The following GUCY2F variants were observed in gnomAD, a reference collection of about 807,000 sequenced individuals.
GUCY2F encodes the protein retinal guanylyl cyclase 2.
GUCY2F carries 61 observed loss-of-function variants against 73.1 expected under a neutral mutation model. The observed-to-expected ratio is 0.83, with a 90% CI of 0.68 to 1.03. The LOEUF (loss-of-function observed/expected upper bound fraction) is 1.03, where lower values mean the gene tolerates loss of function less well. Among genes scored for constraint, GUCY2F ranks in the 50% least tolerant of loss-of-function variants. The probability of loss-of-function intolerance (pLI) is 0.00; values close to 1 mark genes in which losing one functional copy is unlikely to be tolerated. For missense variants in GUCY2F, 912 were observed against 854.3 expected, an observed-to-expected ratio of 1.07 and a Z score of -0.84; for synonymous variants, 331 against 307.8, an observed-to-expected ratio of 1.08 and a Z score of -0.79.
intron 16 of GUCY2F, chrX:109,383,217 A>C (rs1383990408): frequency 1.6e-5 from 2 of 123,423 alleles, no homozygotes; most frequent in African/African-American, 6.5e-5. Flanking sequence ...AGGTTGACCT[A>C]TTCCTAAAAT....
chrX:109,469,133 C>T lies in GUCY2F; in HGVS notation c.731-3690G>A, dbSNP rs1932525733. ...ACACCCTTCTGAGATCGCATCTCAC[C>T]AGGATATGACACCAGCACTTTCTCT... On this transcript the variant is annotated intron_variant, in intron 2 of 19. Coordinates refer to ENST00000218006, the MANE Select transcript of GUCY2F (RefSeq NM_001522.3). Among the ~76,000 whole-genome samples the T allele has an allele frequency of 8.1e-5, 9 of 110,782 alleles. No homozygotes were observed. The Admixed American group carries it at 8.6e-4, about 11-fold the overall frequency.
chrX:109,476,855 A>G (rs1432576189), intron 1 of GUCY2F, among the ~76,000 whole-genome samples: 1 of 109,627 alleles, frequency 9.1e-6, no homozygotes, highest in Non-Finnish European at 1.9e-5. Flanking sequence ...GTATATATGT[A>G]TGTGTGTGTG....
In GUCY2F at chrX:109,465,393, G is replaced by T; in HGVS notation, c.781C>A (p.His261Asn). 8.3e-7 allele frequency: 1 copy of T among 1,200,156 alleles called. No individual in the cohort carries two copies. The highest frequency in any genetic ancestry group is 1.1e-6 in the Non-Finnish European group (1 of 885,170). ...AGATCATGAGCACATTCCAAGAGAT[G>T]CATCTGAGTCTCTCCCCCAATCAAA... is the stretch of plus-strand genomic sequence containing the variant. ...SALIGGETQM[H>N]LLECAHDLKM... Residue 261 changes from histidine (H) to asparagine (N), a missense_variant, in exon 3 of 20, where the codon CAT becomes AAT. Transcript: ENST00000218006.
rs774701835 is a variant in GUCY2F at position 109,412,145 on chromosome X, AATAG to A, written c.1792-2981_1792-2978del. ...AGATATGTATATCTATATCTATCTAAATAGATAGAGAGATAGGCTTAGAATGGTA... is the reference window on the plus strand; with the variant it reads ...AGATATGTATATCTATATCTATCTAAATAGAGAGATAGGCTTAGAATGGTA... On this transcript the variant is annotated intron_variant, in intron 8 of 19. Coordinates refer to ENST00000218006, the MANE Select transcript of GUCY2F (RefSeq NM_001522.3). 2.4e-3 allele frequency among the ~76,000 whole-genome samples: 268 copies of A among 112,161 alleles called. 1 individual carries two copies. Among genetic ancestry groups the A allele is most frequent in the African/African-American group, 8.3e-3 (257 of 30,914 alleles).
At chrX:109,416,194 C>T (rs1181309930) in intron 8 of GUCY2F, among the ~76,000 whole-genome samples, 1 of 107,349 alleles carries the variant, frequency 9.3e-6, no homozygotes, top group Non-Finnish European at 1.9e-5. Flanking sequence ...GTGACCCATA[C>T]TCCAGGAAAA....
chrX:109,437,887 C>T (rs1931788291), intron 7 of GUCY2F, among the ~76,000 whole-genome samples: 1 of 112,677 alleles, frequency 8.9e-6, no homozygotes. Context: ...ATTACCCTAT[C>T]TTAGGTCTTT....
chrX:109,445,461 C>T (rs1460168066), intron 6 of GUCY2F, among the ~76,000 whole-genome samples: 1 of 112,100 alleles, frequency 8.9e-6, no homozygotes, highest in Non-Finnish European at 1.9e-5. Flanking sequence ...TCTAAGGCTG[C>T]ACTATTTAAT....
intron 7 of GUCY2F, among the ~76,000 whole-genome samples, chrX:109,431,919 A>G (rs946937827): frequency 3.1e-4 from 34 of 108,553 alleles, no homozygotes; most frequent in Non-Finnish European, 4.6e-4. Context: ...AAAAAAAAAA[A>G]AAAGAAAAAA....
chrX:109,421,865 T>C (rs1931379374), intron 8 of GUCY2F, among the ~76,000 whole-genome samples: 1 of 111,641 alleles, frequency 9.0e-6, no homozygotes, highest in South Asian at 3.7e-4. Flanking sequence ...TGATAAATTG[T>C]GATATAGTCA....
rs1177730507 is a variant in GUCY2F, at chrX:109,395,425, G to A, written c.2340C>T (p.Ala780=). The A allele has an allele frequency of 9.2e-6, 11 of 1,195,585 alleles. No individual in the cohort carries two copies. Among genetic ancestry groups the A allele is most frequent in the Non-Finnish European group, 1.2e-5 (11 of 880,793 alleles). The change falls in exon 12 of 20, where the codon GCC becomes GCT. Residue 780 remains alanine, a synonymous_variant. Transcript: ENST00000218006. The part of the protein sequence containing the change: ...VYRPVVPPEH[A]PPECLQLMKQ... Reference sequence around the variant, plus strand: ...TCATCAGCTGGAGACATTCTGGAGGGGCATGCTCAGGAGGAACTACTGGTC... The same window carrying A: ...TCATCAGCTGGAGACATTCTGGAGGAGCATGCTCAGGAGGAACTACTGGTC...
chrX:109,476,726 AT>A (rs397840666), intron 1 of GUCY2F, among the ~76,000 whole-genome samples: 4 of 29,723 alleles, frequency 1.3e-4, no homozygotes, highest in Non-Finnish European at 3.0e-4. Flanking sequence ...AGAGGTAAAG[AT>A]AGATAGATAG....
chrX:109,461,564 TC>T (rs1932360842), intron 3 of GUCY2F, among the ~76,000 whole-genome samples: 1 of 111,982 alleles, frequency 8.9e-6, no homozygotes, highest in Admixed American at 9.4e-5. Flanking sequence ...TTATTATCTG[TC>T]TCTCTCACTA....
chrX:109,430,297 T>G lies in GUCY2F; in HGVS notation c.1791+10A>C, dbSNP rs147869942. The G allele has an allele frequency of 1.5e-3, 1,347 of 897,045 alleles. 7 individuals are homozygous for G. The African/African-American group carries it at 0.022, about 15-fold the overall frequency. The allele number at this position is 897,045 out of a possible 1,213,427, so 73.9% of individuals were successfully genotyped here. On this transcript the variant is annotated intron_variant, in intron 8 of 19. Transcript: ENST00000218006. ...TAGTGGGAATTTACATAAACGAAGA[T>G]TTCTCATACCATTTCGAACACATCA...
chrX:109,392,584 G>T (rs745811611), intron 13 of GUCY2F, among the ~76,000 whole-genome samples: 2 of 112,654 alleles, frequency 1.8e-5, no homozygotes, highest in Non-Finnish European at 3.8e-5. Flanking sequence ...GGAGCTCAAA[G>T]AACTGCTTTC....
chrX:109,456,800 C>A (rs1034327292), intron 3 of GUCY2F, among the ~76,000 whole-genome samples: 1 of 111,901 alleles, frequency 8.9e-6, no homozygotes, highest in Admixed American at 9.4e-5. Flanking sequence ...TCCTGCTTCA[C>A]CCATGGTGCC....
intron 19 of GUCY2F, among the ~76,000 whole-genome samples, chrX:109,373,773 T>G (rs968540396): frequency 2.7e-5 from 3 of 113,011 alleles, no homozygotes; most frequent in African/African-American, 3.2e-5. Context: ...AGAGGGGGCT[T>G]GTCAGCCCAA....
chrX:109,455,563 A>G (rs1484566502), intron 3 of GUCY2F, among the ~76,000 whole-genome samples: 1 of 111,476 alleles, frequency 9.0e-6, no homozygotes, highest in African/African-American at 3.3e-5. Context: ...AACTCCTGTG[A>G]AAATTCCTAA....
intron 1 of GUCY2F, among the ~76,000 whole-genome samples, chrX:109,476,515 C>G (rs777063728): frequency 9.0e-6 from 1 of 110,998 alleles, no homozygotes; most frequent in Non-Finnish European, 1.9e-5. Context: ...GTAAAAAGTG[C>G]TATGATTGAG....
chrX:109,431,119 G>A (rs1040376230), intron 7 of GUCY2F, among the ~76,000 whole-genome samples: 1 of 111,073 alleles, frequency 9.0e-6, no homozygotes, highest in South Asian at 3.8e-4. Flanking sequence ...CAACACCAGC[G>A]CCTGATAGAT....
Sources: gnomAD v4.1 joint callset for allele counts (sites outside exome capture counted in the v4.1 genomes callset) on GRCh38, gnomAD v4.1.1 for gene constraint, MANE v1.5 for transcripts, NCBI Gene and HGNC (gene_info 2026-07-23, HGNC 2026-07-21) for gene names.